The following SULF1 variants were observed in gnomAD, a reference collection of about 807,000 sequenced individuals.
SULF1 encodes the protein sulfatase 1.
Under a neutral mutation model 110.5 loss-of-function variants are expected in SULF1, and 46 were observed. That is an observed-to-expected ratio of 0.42 (90% confidence interval 0.33 to 0.53). The LOEUF (loss-of-function observed/expected upper bound fraction) is 0.53. Among genes scored for constraint, SULF1 ranks in the 20% least tolerant of loss-of-function variants. The pLI, the probability that SULF1 is intolerant of heterozygous loss-of-function variation, is 0.12. For missense variants in SULF1, 941 were observed against 1,094.2 expected (o/e 0.86, Z 1.98); for synonymous variants, 371 against 387.1 (o/e 0.96, Z 0.49).
At position 69,477,592 on chromosome 8, in the gene SULF1, G is replaced by A. The variant is rs145368292; in HGVS notation, c.-391+10642G>A. Among the ~76,000 whole-genome samples the A allele has an allele frequency of 6.6e-5, 10 of 152,280 alleles. No individual in the cohort carries two copies. The East Asian group carries it at 1.9e-3, about 29-fold the overall frequency. ...AATAATTAAGCACACTATTAGCAATGAAATAAAATTTGCTGAATAATGACA... is the reference window on the plus strand; with the variant it reads ...AATAATTAAGCACACTATTAGCAATAAAATAAAATTTGCTGAATAATGACA... On this transcript the variant is annotated intron_variant, in intron 1 of 22. Transcript: ENST00000260128.
At chr8:69,574,946 G>A (rs1740138824) in intron 5 of SULF1, among the ~76,000 whole-genome samples, 1 of 152,152 alleles carries the variant, frequency 6.6e-6, no homozygotes, top group African/African-American at 2.4e-5. Flanking sequence ...CTTCTGCCCT[G>A]AATGCTTGCC....
chr8:69,602,150 G>T (rs902393324), intron 10 of SULF1, among the ~76,000 whole-genome samples: 2 of 151,892 alleles, frequency 1.3e-5, no homozygotes, highest in East Asian at 3.9e-4. Context: ...TCAGAGATAC[G>T]CTGTCATTTA....
intron 3 of SULF1, among the ~76,000 whole-genome samples, chr8:69,519,610 C>A (rs1005768349): frequency 2.0e-5 from 3 of 152,036 alleles, no homozygotes; most frequent in African/African-American, 7.2e-5. Context: ...AATAATGACA[C>A]GTTATTCTAG....
intron 15 of SULF1, 63 bp from the exon 16 acceptor site, chr8:69,627,147 T>C (rs746713423): frequency 8.6e-5 from 109 of 1,263,932 alleles, no homozygotes; most frequent in Middle Eastern, 1.9e-4. Flanking sequence ...CTCTTTGTTA[T>C]CTTTAGTGTT....
chr8:69,520,407 A>G (rs1005469118), intron 3 of SULF1, among the ~76,000 whole-genome samples: 1 of 152,054 alleles, frequency 6.6e-6, no homozygotes, highest in Non-Finnish European at 1.5e-5. Context: ...TCACCTTTTC[A>G]TCTTTGTTCT....
chr8:69,471,848 T>A (rs1412988257), intron 1 of SULF1, among the ~76,000 whole-genome samples: 1 of 152,226 alleles, frequency 6.6e-6, no homozygotes, highest in East Asian at 1.9e-4. Context: ...GGTGCATATG[T>A]AGATCCAGAC....
chr8:69,628,313 C>A, intron 18 of SULF1, 77 bp downstream of exon 18: 1 of 1,271,484 alleles, frequency 7.9e-7, no homozygotes, highest in Non-Finnish European at 1.1e-6. Flanking sequence ...GCTGGAGGGA[C>A]CCCTGTGTTT....
chr8:69,583,888 A>AT (rs1274462598), intron 6 of SULF1, among the ~76,000 whole-genome samples: 2 of 152,228 alleles, frequency 1.3e-5, no homozygotes, highest in Non-Finnish European at 2.9e-5. Flanking sequence ...GTGAAATGGC[A>AT]TCTGCTCTGG....
chr8:69,508,191 C>T (rs979062647), intron 3 of SULF1, among the ~76,000 whole-genome samples: 15 of 152,070 alleles, frequency 9.9e-5, no homozygotes, highest in African/African-American at 3.6e-4. Context: ...CATCAACCTC[C>T]GCCTCCTGGG....
intron 22 of SULF1, among the ~76,000 whole-genome samples, chr8:69,656,921 T>C (rs899293270): frequency 2.6e-5 from 4 of 152,238 alleles, no homozygotes; most frequent in African/African-American, 9.6e-5. Flanking sequence ...ATGGTTGAAC[T>C]AATTTATACT....
chr8:69,614,727 C>T (rs1808948377), intron 13 of SULF1, among the ~76,000 whole-genome samples: 1 of 152,244 alleles, frequency 6.6e-6, no homozygotes, highest in South Asian at 2.1e-4. Context: ...GGGAATGACT[C>T]AGGAATATGA....
At chr8:69,579,439 C>A (rs1805895306) in intron 6 of SULF1, among the ~76,000 whole-genome samples, 2 of 151,546 alleles carry the variant, frequency 1.3e-5, no homozygotes, top group African/African-American at 4.9e-5. Flanking sequence ...ATCCCAGCTA[C>A]TCAGGAGGCT....
At chr8:69,548,918 C>T (rs1586370449) in intron 3 of SULF1, among the ~76,000 whole-genome samples, 1 of 152,250 alleles carries the variant, frequency 6.6e-6, no homozygotes, top group East Asian at 1.9e-4. Context: ...TTGTCACCAC[C>T]TCCCCACACA....
intron 9 of SULF1, among the ~76,000 whole-genome samples, 170 bp from the exon 10 acceptor site, chr8:69,601,484 C>G (rs1172450981): frequency 6.6e-6 from 1 of 152,144 alleles, no homozygotes; most frequent in Non-Finnish European, 1.5e-5. Context: ...ACCATTGGAC[C>G]TTTCCCTCCC....
At chr8:69,580,178 C>T (rs1805963641) in intron 6 of SULF1, among the ~76,000 whole-genome samples, 1 of 152,022 alleles carries the variant, frequency 6.6e-6, no homozygotes, top group Admixed American at 6.6e-5. Context: ...AAATATGAGT[C>T]TATGAGAGCT....
intron 13 of SULF1, among the ~76,000 whole-genome samples, chr8:69,618,535 G>A (rs984829752): frequency 2.0e-5 from 3 of 152,156 alleles, no homozygotes; most frequent in African/African-American, 7.2e-5. Context: ...TCGGGTATCT[G>A]CAGGGCATCC....
chr8:69,561,192 C>A (rs1333293975), intron 3 of SULF1, among the ~76,000 whole-genome samples: 1 of 152,112 alleles, frequency 6.6e-6, no homozygotes, highest in South Asian at 2.1e-4. Flanking sequence ...TTGATATAAT[C>A]ATTCCACAAT....
At chr8:69,472,911 A>T (rs975066452) in intron 1 of SULF1, among the ~76,000 whole-genome samples, 1 of 152,190 alleles carries the variant, frequency 6.6e-6, no homozygotes, top group Non-Finnish European at 1.5e-5. Context: ...ATCATAGCTT[A>T]CAGCAGCCTC....
intron 5 of SULF1, 26 bp from the exon 6 acceptor site, chr8:69,575,944 A>C (rs745539187): frequency 1.9e-6 from 3 of 1,610,828 alleles, no homozygotes; most frequent in Non-Finnish European, 2.5e-6. Flanking sequence ...CACTTTGCTA[A>C]ACAATGCTGG....
Sources: gnomAD v4.1 joint callset for allele counts (sites outside exome capture counted in the v4.1 genomes callset) on GRCh38, gnomAD v4.1.1 for gene constraint, MANE v1.5 for transcripts, NCBI Gene and HGNC (gene_info 2026-07-23, HGNC 2026-07-21) for gene names.